MAP3K1: variants seen among roughly 807,000 people sequenced by gnomAD.
The protein encoded by MAP3K1 is MAP/ERK kinase kinase 1.
Under a neutral mutation model 144.2 loss-of-function variants are expected in MAP3K1, and 36 were observed. The ratio of observed to expected loss-of-function variants is 0.25; its 90% confidence interval spans 0.19 to 0.33. MAP3K1 has a LOEUF of 0.33. Among genes scored for constraint, MAP3K1 ranks in the 10% least tolerant of loss-of-function variants. The pLI, the probability that MAP3K1 is intolerant of heterozygous loss-of-function variation, is 1.00. For synonymous variants in MAP3K1, 718 were observed against 688.7 expected, an observed-to-expected ratio of 1.04 and a Z score of -0.67; for missense variants, 1,650 against 1,881.9, an observed-to-expected ratio of 0.88 and a Z score of 2.28.
At chr5:56,867,367 AAAG>A (rs1168428836) in intron 6 of MAP3K1, among the ~76,000 whole-genome samples, 4 of 152,216 alleles carry the variant, frequency 2.6e-5, no homozygotes, top group Non-Finnish European at 5.9e-5. Flanking sequence ...AGATCAATAA[AAAG>A]AAAATACAGA....
intron 6 of MAP3K1, among the ~76,000 whole-genome samples, chr5:56,870,172 A>T (rs779524286): frequency 1.3e-5 from 2 of 152,164 alleles, no homozygotes; most frequent in African/African-American, 4.8e-5. Flanking sequence ...TTTTGCACCA[A>T]CCTAATAGTT....
intron 19 of MAP3K1, among the ~76,000 whole-genome samples, chr5:56,891,733 A>G (rs2111971911): frequency 6.6e-6 from 1 of 152,350 alleles, no homozygotes; most frequent in Non-Finnish European, 1.5e-5. Context: ...GAAGGGATCC[A>G]GTTTCAGCTT....
At chr5:56,867,885 A>G (rs1302712384) in intron 6 of MAP3K1, among the ~76,000 whole-genome samples, 2 of 152,226 alleles carry the variant, frequency 1.3e-5, no homozygotes, top group African/African-American at 2.4e-5. Flanking sequence ...AAATTAGCAT[A>G]TGCCCATGTT....
At chr5:56,816,189 C>G (rs1456073595) in intron 1 of MAP3K1, 134 bp downstream of exon 1, 1 of 918,406 alleles carries the variant, frequency 1.1e-6, no homozygotes, top group Non-Finnish European at 1.4e-6. Flanking sequence ...GGACCTACGC[C>G]CCTGAGCACC....
chr5:56,871,142 C>T (rs762317466), intron 6 of MAP3K1, among the ~76,000 whole-genome samples: 23 of 151,894 alleles, frequency 1.5e-4, no homozygotes, highest in Non-Finnish European at 2.4e-4. Flanking sequence ...CATTATGTTG[C>T]GATTTTGCCA....
At chr5:56,862,822 G>T (rs75037324) in intron 3 of MAP3K1, among the ~76,000 whole-genome samples, 25 of 152,018 alleles carry the variant, frequency 1.6e-4, no homozygotes, top group Admixed American at 5.2e-4. Flanking sequence ...TGGCTTTATT[G>T]ATGTGTAATT....
intron 1 of MAP3K1, 113 bp downstream of exon 1, chr5:56,816,168 G>T: frequency 9.3e-7 from 1 of 1,076,692 alleles, no homozygotes; most frequent in Non-Finnish European, 1.2e-6. Context: ...GAGGCTACGC[G>T]CCGCTCGCCG....
intron 1 of MAP3K1, among the ~76,000 whole-genome samples, chr5:56,840,737 C>G (rs555257738): frequency 1.3e-5 from 2 of 152,256 alleles, no homozygotes; most frequent in East Asian, 3.9e-4. Flanking sequence ...TAATAGAATT[C>G]ACATTGGGAC....
chr5:56,839,856 C>T (rs2111810452), intron 1 of MAP3K1, among the ~76,000 whole-genome samples: 2 of 152,216 alleles, frequency 1.3e-5, no homozygotes, highest in Middle Eastern at 3.4e-3. Context: ...TTGGGACAGG[C>T]TCTGGCCACC....
chr5:56,840,440 G>A (rs932727848), intron 1 of MAP3K1, among the ~76,000 whole-genome samples: 7 of 151,926 alleles, frequency 4.6e-5, no homozygotes, highest in African/African-American at 1.5e-4. Context: ...GAGCCACTGC[G>A]TCCAGCCAAA....
intron 13 of MAP3K1, 110 bp from the exon 14 acceptor site, chr5:56,881,460 C>T (rs771847139): frequency 4.6e-5 from 48 of 1,036,744 alleles, no homozygotes; most frequent in Non-Finnish European, 7.0e-5. Flanking sequence ...ATACTTTATG[C>T]TGAAATGGTT....
At position 56,865,964 on chromosome 5, in the gene MAP3K1, A is replaced by G. The variant is rs758890766; in HGVS notation, c.1288A>G (p.Ser430Gly). ...TLSSSSTSTS[S>G]SENSIKDEEE... Reference sequence around the variant, plus strand: ...GTCATCATCTAGTACTTCTACGTCTAGTTCAGAAAACAGGTTAGTACTTTT... The same window carrying G: ...GTCATCATCTAGTACTTCTACGTCTGGTTCAGAAAACAGGTTAGTACTTTT... The change falls in exon 6 of 20, where the codon AGT (serine) becomes GGT (glycine). Residue 430 changes from serine to glycine, a missense_variant. Coordinates refer to ENST00000399503, the MANE Select transcript of MAP3K1 (RefSeq NM_005921.2). The G allele has an allele frequency of 3.7e-6, 6 of 1,609,200 alleles. No individual in the cohort carries two copies. The South Asian group carries it at 6.6e-5, about 18-fold the overall frequency.
rs182939710 is a variant in MAP3K1 at position 56,895,907 on chromosome 5, A to G, written c.*2227A>G. On this transcript the variant is annotated 3_prime_UTR_variant, in exon 20 of 20. Transcript: ENST00000399503. ...ATGAAATTATATTTGCTGTGTGACT[A>G]TGATTCCTAAGATTTCCAGGGCTTA... 6 of 226,928 alleles carry G rather than the reference A, an allele frequency of 2.6e-5. No homozygotes were observed. Among genetic ancestry groups the G allele is most frequent in the Admixed American group, 2.3e-4 (4 of 17,350 alleles). 14.1% of individuals were successfully genotyped at this position (226,928 alleles called of 1,614,324 possible).
At chr5:56,852,687 A>G (rs1418077059) in intron 1 of MAP3K1, among the ~76,000 whole-genome samples, 5 of 152,204 alleles carry the variant, frequency 3.3e-5, no homozygotes, top group Non-Finnish European at 7.3e-5. Context: ...AAAAGTGTAT[A>G]CACTATTATT....
chr5:56,821,273 C>T (rs1034991019), intron 1 of MAP3K1, among the ~76,000 whole-genome samples: 4 of 152,070 alleles, frequency 2.6e-5, no homozygotes, highest in Non-Finnish European at 5.9e-5. Flanking sequence ...TTAATTTGAT[C>T]GAGATGTGGA....
chr5:56,889,886 A>AT (rs1748494736), intron 19 of MAP3K1, among the ~76,000 whole-genome samples: 1 of 152,088 alleles, frequency 6.6e-6, no homozygotes, highest in African/African-American at 2.4e-5. Flanking sequence ...CACTTATTAT[A>AT]TAACCTCCTC....
chr5:56,818,502 A>G (rs903978505), intron 1 of MAP3K1, among the ~76,000 whole-genome samples: 1 of 152,150 alleles, frequency 6.6e-6, no homozygotes, highest in African/African-American at 2.4e-5. Context: ...ACTTTGAATT[A>G]GAATTTATAT....
At chr5:56,890,780 C>T (rs1359640167) in intron 19 of MAP3K1, among the ~76,000 whole-genome samples, 1 of 152,066 alleles carries the variant, frequency 6.6e-6, no homozygotes, top group Non-Finnish European at 1.5e-5. Context: ...AGCACAGTGG[C>T]TCATGCCTGT....
At position 56,871,912 on chromosome 5, in the gene MAP3K1, T is replaced by C; in HGVS notation, c.1304T>C (p.Ile435Thr). 5.0e-6 allele frequency: 8 copies of C among 1,613,788 alleles called. No individual in the cohort carries two copies. The highest frequency in any genetic ancestry group is 1.3e-5 in the African/African-American group (1 of 75,040). The part of the protein sequence containing the change: ...STSTSSSENS[I>T]KDEEEQMCPI... ...CTTTTTCTTCCCCTTTTCTATAGCA[T>C]AAAGGATGAAGAGGAACAGATGTGT... is the stretch of plus-strand genomic sequence containing the variant. Residue 435 changes from isoleucine (I) to threonine (T), a missense_variant and splice_region_variant, in exon 7 of 20, where the codon ATA (isoleucine) becomes ACA (threonine). Coordinates refer to ENST00000399503, the MANE Select transcript of MAP3K1 (RefSeq NM_005921.2).
Sources: allele counts gnomAD v4.1 joint callset (sites outside exome capture counted in the v4.1 genomes callset), GRCh38; gene constraint gnomAD v4.1.1; transcripts MANE v1.5; gene names NCBI Gene and HGNC (gene_info 2026-07-23, HGNC 2026-07-21).